Variants in RELN observed in about 807,000 individuals in gnomAD.
RELN encodes the protein reelin.
Under a neutral mutation model 427.6 loss-of-function variants are expected in RELN, and 108 were observed. The observed-to-expected ratio is 0.25, with a 90% CI of 0.22 to 0.30. The LOEUF (loss-of-function observed/expected upper bound fraction) is 0.30. Among genes scored for constraint, RELN ranks in the 10% least tolerant of loss-of-function variants. The pLI, the probability that RELN is intolerant of heterozygous loss-of-function variation, is 1.00. For missense variants in RELN, 3,715 were observed against 4,302.8 expected (o/e 0.86, Z 3.82); for synonymous variants, 1,524 against 1,513.4 (o/e 1.01, Z -0.16).
rs1827875981 is a variant in RELN, at chr7:103,471,990, ACT to A, written c.*820_*821del. 3 of 152,504 alleles carry A rather than the reference ACT, an allele frequency of 2.0e-5. No homozygotes were observed. Among genetic ancestry groups the A allele is most frequent in the Non-Finnish European group, 1.5e-5 (1 of 67,990 alleles). 9.4% of individuals were successfully genotyped at this position (152,504 alleles called of 1,614,324 possible). On this transcript the variant is annotated 3_prime_UTR_variant, in exon 65 of 65. Coordinates refer to ENST00000428762, the MANE Select transcript of RELN (RefSeq NM_005045.4). Reference sequence around the variant, plus strand: ...AAGAAAACACAATGAAAAAACAACCACTGTTTTACAAATCACTCTGTTATCAC... The same window carrying A: ...AAGAAAACACAATGAAAAAACAACCAGTTTTACAAATCACTCTGTTATCAC...
At chr7:103,756,018 A>C (rs1562993812) in intron 4 of RELN, among the ~76,000 whole-genome samples, 1 of 152,186 alleles carries the variant, frequency 6.6e-6, no homozygotes, top group African/African-American at 2.4e-5. Context: ...GACAATTATT[A>C]ATTAGAAATA....
rs1218747481 is a variant in RELN at position 103,989,484 on chromosome 7, C to CGGGAGCGGGCCT, written c.-140_-129dup. The stretch of plus-strand genomic sequence containing the variant: ...AAGGCGGACGGGAGCGGAACGGGCT[C>CGGGAGCGGGCCT]GGGAGCGGGCCTGGGAGCGGGCCCC... On this transcript the variant is annotated 5_prime_UTR_variant, in exon 1 of 65. Transcript: ENST00000428762. The surrounding 1 kb of genome is among the most constrained non-coding windows in gnomAD (Gnocchi z 4.9). 1.7e-5 allele frequency: 14 copies of CGGGAGCGGGCCT among 810,328 alleles called. No individual in the cohort carries two copies. The highest frequency in any genetic ancestry group is 1.2e-4 in the South Asian group (4 of 33,678). 50.2% of individuals were successfully genotyped at this position (810,328 alleles called of 1,614,324 possible).
intron 10 of RELN, among the ~76,000 whole-genome samples, chr7:103,691,999 T>C (rs1027862391): frequency 6.6e-6 from 1 of 152,132 alleles, no homozygotes; most frequent in Non-Finnish European, 1.5e-5. Context: ...CAAGACCACA[T>C]GGCTAACAAA....
chr7:103,709,639 A>G (rs1789744063), intron 8 of RELN, among the ~76,000 whole-genome samples: 1 of 152,170 alleles, frequency 6.6e-6, no homozygotes, highest in Non-Finnish European at 1.5e-5. Context: ...CAGAGAAAGG[A>G]CTATATGACT....
chr7:103,805,608 T>C (rs969352887), intron 3 of RELN, among the ~76,000 whole-genome samples: 1 of 152,192 alleles, frequency 6.6e-6, no homozygotes, highest in East Asian at 1.9e-4. Context: ...TCTAACTGGA[T>C]TGTAATCTGA....
chr7:103,903,716 T>A (rs1795133300), intron 2 of RELN, among the ~76,000 whole-genome samples: 1 of 152,130 alleles, frequency 6.6e-6, no homozygotes, highest in Non-Finnish European at 1.5e-5. Context: ...CATATCAATT[T>A]TCTATATGAT....
rs532084348 is a variant in RELN at position 103,551,392 on chromosome 7, G to A, written c.6073-96C>T. The A allele has an allele frequency of 7.9e-4, 680 of 861,448 alleles. 3 individuals are homozygous for A. In the African/African-American group the frequency reaches 9.9e-3, roughly 13 times the overall value. 53.4% of individuals were successfully genotyped at this position (861,448 alleles called of 1,614,324 possible). On this transcript the variant is annotated intron_variant, in intron 40 of 64. Coordinates refer to ENST00000428762, the MANE Select transcript of RELN (RefSeq NM_005045.4). Reference sequence around the variant, plus strand: ...TTATTTTCTAGGGTCCATTTTCCTGGGAACTGTCTTGCTGAAATATTTAAT... The same window carrying A: ...TTATTTTCTAGGGTCCATTTTCCTGAGAACTGTCTTGCTGAAATATTTAAT...
At chr7:103,735,223 T>A (rs970436845) in intron 6 of RELN, among the ~76,000 whole-genome samples, 1 of 152,162 alleles carries the variant, frequency 6.6e-6, no homozygotes, top group African/African-American at 2.4e-5. Flanking sequence ...GATTGCAAGC[T>A]TGTTATTTTG....
chr7:103,477,401 A>G (rs182345053), intron 64 of RELN, among the ~76,000 whole-genome samples: 51 of 152,340 alleles, frequency 3.3e-4, no homozygotes, highest in Non-Finnish European at 2.9e-5. Flanking sequence ...CTTGTCAGTA[A>G]TTTATCACCA....
intron 8 of RELN, among the ~76,000 whole-genome samples, chr7:103,704,555 C>T (rs1331857247): frequency 1.3e-5 from 2 of 151,978 alleles, no homozygotes; most frequent in Admixed American, 6.6e-5. Context: ...ATCTAGATCC[C>T]ACCTCCCCTT....
chr7:103,948,028 A>T (rs1322441755), intron 1 of RELN, among the ~76,000 whole-genome samples: 1 of 152,224 alleles, frequency 6.6e-6, no homozygotes, highest in Non-Finnish European at 1.5e-5. Context: ...TCATCAGATG[A>T]ATAACATTAC....
In RELN at chr7:103,539,037, G is replaced by T. The variant is rs1212300715; in HGVS notation, c.7180+41C>A. The T allele has an allele frequency of 3.1e-6, 5 of 1,611,420 alleles. No homozygotes were observed. The East Asian group carries it at 1.1e-4, about 36-fold the overall frequency. The stretch of plus-strand genomic sequence containing the variant: ...GACAGAGGCAGCCACAGAAGCTCAT[G>T]CCCACATGCCTGTCCCTCTATCTGG... On this transcript the variant is annotated intron_variant, in intron 45 of 64. Transcript: ENST00000428762.
chr7:103,754,198 T>A (rs1317809556), intron 4 of RELN, among the ~76,000 whole-genome samples: 1 of 151,280 alleles, frequency 6.6e-6, no homozygotes, highest in African/African-American at 2.5e-5. Flanking sequence ...AATATCTCAT[T>A]AATAGTTTTA....
chr7:103,716,679 TG>T (rs1789946565), intron 8 of RELN, among the ~76,000 whole-genome samples: 1 of 152,226 alleles, frequency 6.6e-6, no homozygotes, highest in Non-Finnish European at 1.5e-5. Flanking sequence ...TCTAGGTGTG[TG>T]CCAAATTCTG....
intron 1 of RELN, among the ~76,000 whole-genome samples, chr7:103,982,772 C>G (rs1204924005): frequency 6.6e-5 from 10 of 152,116 alleles, no homozygotes; most frequent in Admixed American, 6.5e-4. Flanking sequence ...CAGTGGACAT[C>G]AATAATCGGT....
chr7:103,767,560 CAT>C (rs1466918823), intron 4 of RELN, among the ~76,000 whole-genome samples: 1 of 152,144 alleles, frequency 6.6e-6, no homozygotes, highest in Non-Finnish European at 1.5e-5. Flanking sequence ...CAATAGGACT[CAT>C]GTGGTTCAGA....
chr7:103,681,502 C>T (rs1367342241), intron 11 of RELN, among the ~76,000 whole-genome samples: 2 of 151,666 alleles, frequency 1.3e-5, no homozygotes, highest in Non-Finnish European at 2.9e-5. Context: ...TTTTTTTCAA[C>T]TTGAACTTCT....
intron 38 of RELN, among the ~76,000 whole-genome samples, chr7:103,556,429 G>GTATATA (rs3056317): frequency 6.7e-6 from 1 of 149,112 alleles, no homozygotes; most frequent in Non-Finnish European, 1.5e-5. Flanking sequence ...ATATATACGT[G>GTATATA]TATATATATA....
At chr7:103,931,110 T>G (rs1191834534) in intron 1 of RELN, among the ~76,000 whole-genome samples, 1 of 152,114 alleles carries the variant, frequency 6.6e-6, no homozygotes, top group African/African-American at 2.4e-5. Flanking sequence ...CAGTGCATCC[T>G]TAACTTTTAT....
Sources: allele counts gnomAD v4.1 joint callset (sites outside exome capture counted in the v4.1 genomes callset), GRCh38; gene constraint gnomAD v4.1.1; non-coding constraint Gnocchi (gnomAD v3.1); transcripts MANE v1.5; gene names NCBI Gene and HGNC (gene_info 2026-07-23, HGNC 2026-07-21).